Variants in MLLT6 observed in about 807,000 individuals in gnomAD.
The protein encoded by MLLT6 is MLLT6, PHD finger containing, also known as protein AF-17.
A neutral mutation model predicts 103.0 loss-of-function variants in MLLT6; 22 were observed. The observed-to-expected ratio is 0.21, with a 90% CI of 0.15 to 0.31. The LOEUF is 0.31. Ranked by LOEUF, MLLT6 falls within the 10% of genes least tolerant of loss-of-function variation. The pLI is 1.00. For missense variants in MLLT6, 1,199 were observed against 1,441.7 expected, an observed-to-expected ratio of 0.83 and a Z score of 2.73; for synonymous variants, 606 against 623.5, an observed-to-expected ratio of 0.97 and a Z score of 0.42.
rs1905074609 is a variant in MLLT6, at chr17:38,709,639, G to C, written c.552+64G>C. On this transcript the variant is annotated intron_variant, in intron 6 of 19. Coordinates refer to ENST00000621332, the MANE Select transcript of MLLT6 (RefSeq NM_005937.4). This position sits in a 1 kb window ranked among gnomAD's most constrained non-coding sequence, Gnocchi z 4.3. Reference sequence around the variant, plus strand: ...CTGTGGTAAGATGGTTAGAGGGCATGGGCTCTGGGCCAGGCCAGTGCCTGG... The same window carrying C: ...CTGTGGTAAGATGGTTAGAGGGCATCGGCTCTGGGCCAGGCCAGTGCCTGG... 7.6e-7 allele frequency: 1 copy of C among 1,323,708 alleles called. No individual in the cohort carries two copies. Among genetic ancestry groups the C allele is most frequent in the Non-Finnish European group, 1.1e-6 (1 of 921,580 alleles). The allele number at this position is 1,323,708 out of a possible 1,614,324, so 82.0% of individuals were successfully genotyped here. A position where few individuals can be genotyped will look rare whatever the true frequency, so the allele number is the denominator to read the frequency against.
rs775522798 is a variant in MLLT6 at position 38,720,446 on chromosome 17, A to G, written c.2230A>G (p.Thr744Ala). 12 of 1,612,910 alleles carry G rather than the reference A, an allele frequency of 7.4e-6. No individual in the cohort carries two copies. The highest frequency in any genetic ancestry group is 1.0e-5 in the Non-Finnish European group (12 of 1,179,980). Residue 744 changes from threonine to alanine, a missense_variant, in exon 15 of 20, where the codon ACG becomes GCG. Thr to Ala is a moderately conservative substitution (Grantham distance 58, BLOSUM62 0). Coordinates refer to ENST00000621332, the MANE Select transcript of MLLT6 (RefSeq NM_005937.4). ...QRLQEQILSL[T>A]AKKERLQILN... ...GCTGCAAGAGCAGATCCTGAGCCTGACGGCCAAAAAGGAGCGGCTGCAGAT... is the reference window on the plus strand; with the variant it reads ...GCTGCAAGAGCAGATCCTGAGCCTGGCGGCCAAAAAGGAGCGGCTGCAGAT...
rs762737380 is a variant in MLLT6 at position 38,717,922 on chromosome 17, C to T, written c.1911C>T (p.Pro637=). The T allele has an allele frequency of 6.2e-7, 1 of 1,613,500 alleles. No individual in the cohort carries two copies. Among genetic ancestry groups the T allele is most frequent in the Admixed American group, 1.7e-5 (1 of 59,998 alleles). ...GAACCCCCATGGGTGCCGTTAATCC[C>T]CTCCTCTCCCAAGCTGAGAGCAGCC... ...IFGTPMGAVN[P]LLSQAESSHT... Residue 637 remains proline (P), a synonymous_variant, in exon 12 of 20, where the codon CCC becomes CCT. Coordinates refer to ENST00000621332, the MANE Select transcript of MLLT6 (RefSeq NM_005937.4).
In MLLT6 at chr17:38,729,382, TC is replaced by T. The variant is rs1406025631; in HGVS notation, c.*3787del. 2 of 233,268 alleles carry T rather than the reference TC, an allele frequency of 8.6e-6. No individual in the cohort carries two copies. Among genetic ancestry groups the T allele is most frequent in the African/African-American group, 4.4e-5 (2 of 45,334 alleles). 14.4% of individuals were successfully genotyped at this position (233,268 alleles called of 1,614,324 possible). Reference sequence around the variant, plus strand: ...CATCAGGATTGAGAGTGTGTCTAGCTCCCGACCACTTTGTCTTGACCTACTG... The same window carrying T: ...CATCAGGATTGAGAGTGTGTCTAGCTCCGACCACTTTGTCTTGACCTACTG... On this transcript the variant is annotated 3_prime_UTR_variant, in exon 20 of 20. Transcript: ENST00000621332.
chr17:38,722,658 A>ACCCCCCCCCCCC lies in MLLT6; in HGVS notation c.2793-14_2793-13insCCCCCCCCCCCC. 1 of 209,666 alleles carries ACCCCCCCCCCCC rather than the reference A, an allele frequency of 4.8e-6. No homozygotes were observed. The highest frequency in any genetic ancestry group is 8.6e-6 in the Non-Finnish European group (1 of 116,316). 13.0% of individuals were successfully genotyped at this position (209,666 alleles called of 1,614,324 possible). A position where few individuals can be genotyped will look rare whatever the true frequency, so the allele number is the denominator to read the frequency against. The stretch of plus-strand genomic sequence containing the variant: ...ATGGTCTGTGTGTTGTCCCCCCCCC[A>ACCCCCCCCCCCC]CCCCCCACCCCCACCTCAGCCTTAC... On this transcript the variant is annotated intron_variant, in intron 17 of 19. Transcript: ENST00000621332.
At position 38,711,843 on chromosome 17, in the gene MLLT6, G is replaced by C. The variant is rs764194015; in HGVS notation, c.553-4G>C. 1 of 1,541,728 alleles carries C rather than the reference G, an allele frequency of 6.5e-7. No homozygotes were observed. The highest frequency in any genetic ancestry group is 1.4e-5 in the African/African-American group (1 of 72,990). On this transcript the variant is annotated splice_polypyrimidine_tract_variant and splice_region_variant and intron_variant, in intron 6 of 19. Transcript: ENST00000621332. Reference sequence around the variant, plus strand: ...TTGCAATTTCTCTCAAATCTCTCCCGCAGAAGACATCCCGGCACAGCAGCG... The same window carrying C: ...TTGCAATTTCTCTCAAATCTCTCCCCCAGAAGACATCCCGGCACAGCAGCG...
chr17:38,708,995 T>C (rs1192637264), intron 4 of MLLT6, 178 bp from the exon 5 acceptor site: 1 of 596,488 alleles, frequency 1.7e-6, no homozygotes, highest in Non-Finnish European at 2.9e-6. Flanking sequence ...CCCATGTGAC[T>C]GGTGGCATTT....
intron 16 of MLLT6, chr17:38,721,279 AATAATC>A (rs1213624734): frequency 5.9e-6 from 1 of 169,254 alleles, no homozygotes; most frequent in Non-Finnish European, 1.3e-5. Flanking sequence ...CTTGGGCAGT[AATAATC>A]ATAATAATAA....
chr17:38,720,156 G>A, intron 14 of MLLT6: 1 of 691,584 alleles, frequency 1.4e-6, no homozygotes, highest in South Asian at 1.9e-5. Context: ...CCTGACCCGT[G>A]TGGCCTCGAC....
At position 38,721,707 on chromosome 17, in the gene MLLT6, C is replaced by T. The variant is rs545975475; in HGVS notation, c.2443-171C>T. ...CAGGAAGGGGTCAGGAAACATGATT[C>T]GTGAAGACAATTTGGATTCTTAGCC... On this transcript the variant is annotated intron_variant, in intron 16 of 19. Coordinates refer to ENST00000621332, the MANE Select transcript of MLLT6 (RefSeq NM_005937.4). Among the ~76,000 whole-genome samples, 9 of 152,322 alleles carry T rather than the reference C, an allele frequency of 5.9e-5. No homozygotes were observed. The South Asian group carries it at 1.0e-3, about 18-fold the overall frequency.
intron 8 of MLLT6, chr17:38,714,324 C>T (rs1479201874): frequency 6.6e-6 from 1 of 152,246 alleles, no homozygotes; most frequent in East Asian, 1.9e-4. Context: ...CTGGACGTCT[C>T]ATCATTTATT....
In MLLT6 at chr17:38,711,876, C is replaced by T. The variant is rs746743334; in HGVS notation, c.582C>T (p.Gly194=). 15 of 1,589,222 alleles carry T rather than the reference C, an allele frequency of 9.4e-6. No homozygotes were observed. Among genetic ancestry groups the T allele is most frequent in the African/African-American group, 4.0e-5 (3 of 74,110 alleles). ...MKTSRHSSGG[G]GGGAGGGGGS... Reference sequence around the variant, plus strand: ...CATCCCGGCACAGCAGCGGGGGAGGCGGAGGAGGCGCTGGAGGAGGAGGTG... The same window carrying T: ...CATCCCGGCACAGCAGCGGGGGAGGTGGAGGAGGCGCTGGAGGAGGAGGTG... Residue 194 remains glycine (G), a synonymous_variant, in exon 7 of 20, where the codon GGC becomes GGT. Transcript: ENST00000621332.
chr17:38,716,066 C>T lies in MLLT6; in HGVS notation c.1036+238C>T. 2 of 603,694 alleles carry T rather than the reference C, an allele frequency of 3.3e-6. No homozygotes were observed. Among genetic ancestry groups the T allele is most frequent in the South Asian group, 2.1e-5 (1 of 47,584 alleles). The allele number at this position is 603,694 out of a possible 1,614,324, so 37.4% of individuals were successfully genotyped here. On this transcript the variant is annotated intron_variant, in intron 9 of 19. Transcript: ENST00000621332. This position sits in a 1 kb window ranked among gnomAD's most constrained non-coding sequence, Gnocchi z 5.6. The stretch of plus-strand genomic sequence containing the variant: ...AACCTCATAACAGTATTCCTTATCC[C>T]CTACATTTGTGCTGCAAGGTACAAT...
In MLLT6 at chr17:38,712,174, G is replaced by A. The variant is rs1053560410; in HGVS notation, c.720+160G>A. ...CAGGAGGGGGCTGAAATGAAACGGTGGGGGGGTGAGGCGGGAGCTTGGCTT... is the reference window on the plus strand; with the variant it reads ...CAGGAGGGGGCTGAAATGAAACGGTAGGGGGGTGAGGCGGGAGCTTGGCTT... On this transcript the variant is annotated intron_variant, in intron 7 of 19. Transcript: ENST00000621332. The A allele has an allele frequency of 7.5e-6, 7 of 934,638 alleles. No homozygotes were observed. The South Asian group carries it at 2.5e-4, about 33-fold the overall frequency. 57.9% of individuals were successfully genotyped at this position (934,638 alleles called of 1,614,324 possible). A position where few individuals can be genotyped will look rare whatever the true frequency, so the allele number is the denominator to read the frequency against.
At position 38,728,286 on chromosome 17, in the gene MLLT6, G is replaced by C. The variant is rs886799599; in HGVS notation, c.*2688G>C. On this transcript the variant is annotated 3_prime_UTR_variant, in exon 20 of 20. Transcript: ENST00000621332. ...GAGGAGCAGAATACCAACGCAGGGGGATGGCTGTAACGATCTCACCGTCTC... is the reference window on the plus strand; with the variant it reads ...GAGGAGCAGAATACCAACGCAGGGGCATGGCTGTAACGATCTCACCGTCTC... 3 of 233,246 alleles carry C rather than the reference G, an allele frequency of 1.3e-5. No homozygotes were observed. The highest frequency in any genetic ancestry group is 6.6e-5 in the African/African-American group (3 of 45,360). 14.4% of individuals were successfully genotyped at this position (233,246 alleles called of 1,614,324 possible).
At chr17:38,708,742 A>G (rs9909435) in intron 4 of MLLT6, among the ~76,000 whole-genome samples, 17,964 of 152,044 alleles carry the variant, frequency 0.12, 1,559 homozygotes, top group African/African-American at 0.24. Flanking sequence ...GAAAAATACA[A>G]AAATTAGCTG....
Position 38,724,274 on chromosome 17 carries a change from AAAAG to A in MLLT6, c.2884-342_2884-339del. On this transcript the variant is annotated intron_variant, in intron 18 of 19. Transcript: ENST00000621332. This position sits in a 1 kb window ranked among gnomAD's most constrained non-coding sequence, Gnocchi z 5.4. ...CCGTCTCACAAAAAGAAAAGAAAAG[AAAAG>A]AAAACTATTGACCTAGTTTAGTGTT... 1 of 272,028 alleles carries A rather than the reference AAAAG, an allele frequency of 3.7e-6. No homozygotes were observed. Among genetic ancestry groups the A allele is most frequent in the Non-Finnish European group, 6.8e-6 (1 of 146,180 alleles). 16.9% of individuals were successfully genotyped at this position (272,028 alleles called of 1,614,324 possible).
intron 13 of MLLT6, 47 bp from the exon 14 acceptor site, chr17:38,719,703 G>T: frequency 1.9e-6 from 3 of 1,591,050 alleles, no homozygotes; most frequent in Non-Finnish European, 2.6e-6. Context: ...GGCCAGAGGA[G>T]CCTGGAGTGG....
chr17:38,717,465 A>C lies in MLLT6; in HGVS notation c.1685A>C (p.His562Pro). ...IYTSNKDPIS[H>P]SGGMLRAVCS... is the part of the protein sequence containing the mutation. ...ACCAGTAATAAGGACCCCATCTCCC[A>C]CAGTGGCGGGATGCTGCGGGCTGTC... Residue 562 changes from histidine (H) to proline (P), a missense_variant, in exon 11 of 20, where the codon CAC becomes CCC. Coordinates refer to ENST00000621332, the MANE Select transcript of MLLT6 (RefSeq NM_005937.4). 6.2e-7 allele frequency: 1 copy of C among 1,610,906 alleles called. No homozygotes were observed. Among genetic ancestry groups the C allele is most frequent in the Non-Finnish European group, 8.5e-7 (1 of 1,178,386 alleles).
chr17:38,710,952 G>A (rs1905122383), intron 6 of MLLT6, among the ~76,000 whole-genome samples: 1 of 152,210 alleles, frequency 6.6e-6, no homozygotes, highest in Non-Finnish European at 1.5e-5. Context: ...TGGGCAGGGT[G>A]TAGTGGCAGC....
Sources: allele counts gnomAD v4.1 joint callset (sites outside exome capture counted in the v4.1 genomes callset), GRCh38; gene constraint gnomAD v4.1.1; non-coding constraint Gnocchi (gnomAD v3.1); transcripts MANE v1.5; gene names NCBI Gene and HGNC (gene_info 2026-07-23, HGNC 2026-07-21).